The following SGCZ variants were observed in gnomAD, a reference collection of about 807,000 sequenced individuals.
SGCZ encodes the protein sarcoglycan zeta.
A neutral mutation model predicts 41.3 loss-of-function variants in SGCZ; 40 were observed. That is an observed-to-expected ratio of 0.97 (90% CI 0.75 to 1.26). The LOEUF (loss-of-function observed/expected upper bound fraction) is 1.26, where lower values mean the gene tolerates loss of function less well. Among genes scored for constraint, SGCZ ranks in the 50% most tolerant of loss-of-function variants. The pLI is 0.00. For missense variants in SGCZ, 552 were observed against 369.8 expected (o/e 1.49, Z -4.04); for synonymous variants, 206 against 137.5 (o/e 1.50, Z -3.49).
At chr8:15,102,400 T>C (rs1806648629) in intron 1 of SGCZ, among the ~76,000 whole-genome samples, 1 of 151,642 alleles carries the variant, frequency 6.6e-6, no homozygotes, top group Non-Finnish European at 1.5e-5. Context: ...AAAATATGAG[T>C]TTTTAGGGCA....
intron 1 of SGCZ, among the ~76,000 whole-genome samples, chr8:14,957,904 C>T (rs9643994): frequency 0.73 from 110,782 of 151,794 alleles, 40,748 homozygotes; most frequent in East Asian, 0.83. Context: ...AAGAGAATGA[C>T]AACAAGACTT....
chr8:14,600,473 C>T (rs1052762579), intron 1 of SGCZ, among the ~76,000 whole-genome samples: 1 of 152,170 alleles, frequency 6.6e-6, no homozygotes, highest in Non-Finnish European at 1.5e-5. Flanking sequence ...AATCTTTACC[C>T]TGACATTACT....
chr8:15,104,069 C>G (rs1806722263), intron 1 of SGCZ, among the ~76,000 whole-genome samples: 1 of 152,260 alleles, frequency 6.6e-6, no homozygotes, highest in East Asian at 1.9e-4. Context: ...CCAAACGAAC[C>G]TTTCTCACGT....
intron 1 of SGCZ, among the ~76,000 whole-genome samples, chr8:14,744,361 C>G (rs982130681): frequency 6.6e-6 from 1 of 152,126 alleles, no homozygotes; most frequent in African/African-American, 2.4e-5. Context: ...GGCCAGAACA[C>G]ATTCCAAAGC....
chr8:14,212,236 C>G (rs1333457158), intron 4 of SGCZ, among the ~76,000 whole-genome samples: 1 of 151,940 alleles, frequency 6.6e-6, no homozygotes, highest in South Asian at 2.1e-4. Flanking sequence ...GCTGGATGTA[C>G]CAGCAGAGAT....
Position 14,212,411 on chromosome 8 carries a change from T to G in SGCZ, c.424+25181A>C, listed in dbSNP as rs139300800. ...ACCAGAAGGCATCAAGCAGGAGCTTTAATAGATGATCCCCCTGCCTCTTCA... is the reference window on the plus strand; with the variant it reads ...ACCAGAAGGCATCAAGCAGGAGCTTGAATAGATGATCCCCCTGCCTCTTCA... On this transcript the variant is annotated intron_variant, in intron 4 of 7. Transcript: ENST00000382080. Among the ~76,000 whole-genome samples the G allele has an allele frequency of 1.5e-3, 223 of 145,778 alleles. 2 individuals carry two copies. Among genetic ancestry groups the G allele is most frequent in the East Asian group, 5.1e-3 (25 of 4,928 alleles).
At chr8:14,268,316 A>C (rs1480094332) in intron 3 of SGCZ, among the ~76,000 whole-genome samples, 2 of 149,868 alleles carry the variant, frequency 1.3e-5, no homozygotes, top group Non-Finnish European at 3.0e-5. Flanking sequence ...TATAGTTAAA[A>C]GCAAATCAAT....
intron 2 of SGCZ, among the ~76,000 whole-genome samples, chr8:14,347,765 C>T (rs188851467): frequency 1.3e-5 from 2 of 152,058 alleles, no homozygotes; most frequent in African/African-American, 2.4e-5. Context: ...TGGGAAAGAA[C>T]ATCAATGAGA....
At chr8:14,566,364 T>C (rs768683583) in intron 1 of SGCZ, among the ~76,000 whole-genome samples, 10 of 152,182 alleles carry the variant, frequency 6.6e-5, no homozygotes, top group Admixed American at 3.9e-4. Context: ...AGTGGCCGAA[T>C]GGCCATCATA....
At chr8:14,815,734 G>A (rs1801883520) in intron 1 of SGCZ, among the ~76,000 whole-genome samples, 1 of 152,136 alleles carries the variant, frequency 6.6e-6, no homozygotes. Flanking sequence ...ACAGAAAAGT[G>A]ACTAAAATAT....
intron 1 of SGCZ, among the ~76,000 whole-genome samples, chr8:15,068,794 T>G (rs1455848517): frequency 6.6e-6 from 1 of 152,172 alleles, no homozygotes; most frequent in African/African-American, 2.4e-5. Context: ...ATTTAAAAAA[T>G]GTCCTCAGCA....
chr8:15,064,631 C>T (rs948178490), intron 1 of SGCZ, among the ~76,000 whole-genome samples: 3 of 151,226 alleles, frequency 2.0e-5, no homozygotes, highest in South Asian at 4.2e-4. Context: ...CACATTCAGA[C>T]AATCAAGATG....
chr8:14,250,518 A>G (rs1156698851), intron 3 of SGCZ, among the ~76,000 whole-genome samples: 3 of 152,158 alleles, frequency 2.0e-5, no homozygotes, highest in Admixed American at 2.0e-4. Flanking sequence ...CTGCACTATA[A>G]AAACCTGCAG....
intron 1 of SGCZ, among the ~76,000 whole-genome samples, chr8:15,151,787 G>C (rs1247768647): frequency 1.3e-5 from 2 of 152,126 alleles, no homozygotes; most frequent in Admixed American, 6.5e-5. Flanking sequence ...GAATTAAGAA[G>C]TCAATGAATG....
intron 3 of SGCZ, among the ~76,000 whole-genome samples, chr8:14,280,801 GTTT>G (rs34134846): frequency 0.68 from 101,003 of 147,828 alleles, 34,529 homozygotes; most frequent in Admixed American, 0.71. Context: ...AAACTATAGG[GTTT>G]TTTTTTTTTT....
intron 1 of SGCZ, among the ~76,000 whole-genome samples, chr8:14,883,724 T>G (rs1364270724): frequency 2.0e-5 from 3 of 151,006 alleles, no homozygotes; most frequent in African/African-American, 7.3e-5. Flanking sequence ...GACTTTGACC[T>G]GGCCTGGAGT....
At chr8:15,236,863 G>T (rs1373818229) in intron 1 of SGCZ, among the ~76,000 whole-genome samples, 1 of 152,012 alleles carries the variant, frequency 6.6e-6, no homozygotes, top group African/African-American at 2.4e-5. Context: ...GTGTGCGGCC[G>T]GAGCCTCCGC....
chr8:14,884,222 C>T (rs1804702373), intron 1 of SGCZ, among the ~76,000 whole-genome samples: 1 of 152,124 alleles, frequency 6.6e-6, no homozygotes, highest in Admixed American at 6.6e-5. Flanking sequence ...ATCCATTGCA[C>T]TGAGAATGTG....
chr8:15,041,824 T>C (rs376411105), intron 1 of SGCZ, among the ~76,000 whole-genome samples: 4 of 152,132 alleles, frequency 2.6e-5, no homozygotes, highest in African/African-American at 9.6e-5. Context: ...TCAGAAAATA[T>C]AACATATTAA....
Sources: gnomAD v4.1 joint callset for allele counts (sites outside exome capture counted in the v4.1 genomes callset) on GRCh38, gnomAD v4.1.1 for gene constraint, MANE v1.5 for transcripts, NCBI Gene and HGNC (gene_info 2026-07-23, HGNC 2026-07-21) for gene names.